Variants in TNFRSF13B observed in about 807,000 individuals in gnomAD.
TNFRSF13B encodes TNF receptor superfamily member 13B.
Under a neutral mutation model 24.0 loss-of-function variants are expected in TNFRSF13B, and 34 were observed. The ratio of observed to expected loss-of-function variants is 1.41; its 90% CI spans 1.08 to 1.88. The LOEUF (loss-of-function observed/expected upper bound fraction) is 1.88, where lower values mean the gene tolerates loss of function less well. Among genes scored for constraint, TNFRSF13B ranks in the 40% most tolerant of loss-of-function variants. TNFRSF13B has a pLI of 0.00. For missense variants in TNFRSF13B, 415 were observed against 380.8 expected, an observed-to-expected ratio of 1.09 and a Z score of -0.75; for synonymous variants, 173 against 150.3, an observed-to-expected ratio of 1.15 and a Z score of -1.10.
intron 1 of TNFRSF13B, among the ~76,000 whole-genome samples, chr17:16,958,812 T>C (rs2087642446): frequency 6.6e-6 from 1 of 151,968 alleles, no homozygotes; most frequent in East Asian, 1.9e-4. Flanking sequence ...CCAAAATATA[T>C]GAAACAAAAA....
chr17:16,944,173 G>A (rs962314155), intron 3 of TNFRSF13B, among the ~76,000 whole-genome samples: 16 of 152,102 alleles, frequency 1.1e-4, no homozygotes, highest in Admixed American at 3.3e-4. Flanking sequence ...CTGGGAGCCC[G>A]AGAGGAAGGG....
At chr17:16,942,413 G>A (rs1454410982) in intron 3 of TNFRSF13B, among the ~76,000 whole-genome samples, 1 of 152,156 alleles carries the variant, frequency 6.6e-6, no homozygotes, top group African/African-American at 2.4e-5. Context: ...ACTCTTAGGG[G>A]TCATCAGTGT....
intron 1 of TNFRSF13B, among the ~76,000 whole-genome samples, chr17:16,963,693 G>A (rs2087679211): frequency 1.3e-5 from 2 of 152,160 alleles, no homozygotes; most frequent in Admixed American, 6.5e-5. Context: ...GGCACTACAG[G>A]TGCCCACCAC....
At chr17:16,960,317 C>T (rs1318182761) in intron 1 of TNFRSF13B, among the ~76,000 whole-genome samples, 1 of 152,070 alleles carries the variant, frequency 6.6e-6, no homozygotes, top group Non-Finnish European at 1.5e-5. Flanking sequence ...AAGCTTTGCC[C>T]TAAGATCAGA....
At chr17:16,966,963 C>T (rs1038837426) in intron 1 of TNFRSF13B, among the ~76,000 whole-genome samples, 11 of 150,898 alleles carry the variant, frequency 7.3e-5, no homozygotes, top group African/African-American at 1.7e-4. Flanking sequence ...CTCAGCCTTC[C>T]GAGTAGCTGG....
chr17:16,964,337 CTTTTTTTTTTT>C lies in TNFRSF13B; in HGVS notation c.61+7667_61+7677del, dbSNP rs71355533. Among the ~76,000 whole-genome samples, 10 of 79,788 alleles carry C rather than the reference CTTTTTTTTTTT, an allele frequency of 1.3e-4. 1 individual carries two copies. The highest frequency in any genetic ancestry group is 4.3e-4 in the South Asian group (1 of 2,306). 52.3% of individuals were successfully genotyped at this position (79,788 alleles called of 152,430 possible). On this transcript the variant is annotated intron_variant, in intron 1 of 4. Transcript: ENST00000261652. ...GGTTGAGAGTCCACCATCTCCATGC[CTTTTTTTTTTT>C]TTTTTTTTTTTGAGATGGAGTTTCA...
intron 3 of TNFRSF13B, among the ~76,000 whole-genome samples, chr17:16,942,144 G>A (rs4791698): frequency 0.46 from 69,465 of 151,758 alleles, 16,176 homozygotes; most frequent in East Asian, 0.59. Flanking sequence ...TCACATAATA[G>A]CTCTGTTTTG....
At chr17:16,961,383 C>T (rs1302333159) in intron 1 of TNFRSF13B, among the ~76,000 whole-genome samples, 1 of 152,176 alleles carries the variant, frequency 6.6e-6, no homozygotes, top group Non-Finnish European at 1.5e-5. Flanking sequence ...AAATATGTTA[C>T]AGGTACACAG....
intron 3 of TNFRSF13B, 58 bp downstream of exon 3, chr17:16,948,680 G>GC: frequency 6.2e-7 from 1 of 1,611,454 alleles, no homozygotes; most frequent in South Asian, 1.1e-5. Context: ...CTGGCATCAG[G>GC]CCTCCCACGC....
intron 1 of TNFRSF13B, among the ~76,000 whole-genome samples, chr17:16,953,465 C>T (rs2087603773): frequency 6.6e-6 from 1 of 152,200 alleles, no homozygotes; most frequent in South Asian, 2.1e-4. Context: ...CATTTCCTCA[C>T]CCCTGAAGCC....
intron 1 of TNFRSF13B, 140 bp downstream of exon 1, chr17:16,971,875 T>C: frequency 3.6e-6 from 3 of 828,260 alleles, no homozygotes; most frequent in Non-Finnish European, 6.1e-6. Context: ...GTGCAGGAGC[T>C]TGGGGAGGCT....
chr17:16,941,540 C>G (rs556313694), intron 3 of TNFRSF13B: 2 of 987,630 alleles, frequency 2.0e-6, no homozygotes, highest in East Asian at 1.1e-4. Context: ...AGTCCCACTT[C>G]GTGCCGGGCA....
chr17:16,940,645 C>A, intron 3 of TNFRSF13B, 134 bp from the exon 4 acceptor site: 1 of 1,511,832 alleles, frequency 6.6e-7, no homozygotes, highest in Non-Finnish European at 8.8e-7. Flanking sequence ...CCTTTTCTGA[C>A]CCTGAGGCTG....
intron 1 of TNFRSF13B, among the ~76,000 whole-genome samples, chr17:16,954,182 G>GC (rs1230861844): frequency 6.6e-6 from 1 of 152,178 alleles, no homozygotes; most frequent in Admixed American, 6.5e-5. Context: ...ATTTCTTGAG[G>GC]CCAGGAGTTC....
Position 16,952,535 on chromosome 17 carries a change from T to G in TNFRSF13B, c.110A>C (p.Glu37Ala). 1 of 1,614,174 alleles carries G rather than the reference T, an allele frequency of 6.2e-7. No homozygotes were observed. Among genetic ancestry groups the G allele is most frequent in the Non-Finnish European group, 8.5e-7 (1 of 1,180,006 alleles). Reference protein sequence around the residue: ...TGVAMRSCPEEQYWDPLLGTC... With the variant: ...TGVAMRSCPEAQYWDPLLGTC... ...ACCCAGCAGAGGATCCCAGTACTGCTCTTCGGGGCAGGATCTCATAGCCAC... is the reference window on the plus strand; with the variant it reads ...ACCCAGCAGAGGATCCCAGTACTGCGCTTCGGGGCAGGATCTCATAGCCAC... Residue 37 changes from glutamate to alanine, a missense_variant, in exon 2 of 5, where the codon GAG (glutamate) becomes GCG (alanine). Transcript: ENST00000261652.
At chr17:16,957,966 T>C (rs1309100326) in intron 1 of TNFRSF13B, among the ~76,000 whole-genome samples, 2 of 152,166 alleles carry the variant, frequency 1.3e-5, no homozygotes, top group Admixed American at 1.3e-4. Flanking sequence ...CCAGAATTAT[T>C]TTACATTTTG....
intron 1 of TNFRSF13B, among the ~76,000 whole-genome samples, chr17:16,959,109 A>T (rs1173977988): frequency 6.6e-6 from 1 of 152,100 alleles, no homozygotes; most frequent in African/African-American, 2.4e-5. Flanking sequence ...TTTTAAAATT[A>T]AAATTATTCA....
rs371989142 is a variant in TNFRSF13B at position 16,940,357 on chromosome 17, C to A, written c.600G>T (p.Arg200Ser). ...GDPCSCQPRS[R>S]PRQSPAKSSQ... Reference sequence around the variant, plus strand: ...AAGACTTGGCCGGACTTTGACGGGGCCTTGAGCGGGGCTGGCAGGAGCAGG... The same window carrying A: ...AAGACTTGGCCGGACTTTGACGGGGACTTGAGCGGGGCTGGCAGGAGCAGG... Residue 200 changes from arginine (R) to serine (S), a missense_variant, in exon 4 of 5, where the codon AGG becomes AGT. Coordinates refer to ENST00000261652, the MANE Select transcript of TNFRSF13B (RefSeq NM_012452.3). 6.2e-7 allele frequency: 1 copy of A among 1,613,800 alleles called. No homozygotes were observed. Among genetic ancestry groups the A allele is most frequent in the South Asian group, 1.1e-5 (1 of 91,058 alleles).
At position 16,940,345 on chromosome 17, in the gene TNFRSF13B, A is replaced by C. The variant is rs2087500053; in HGVS notation, c.612T>G (p.Ser204Arg). ...ACTCACCCTGGGAAGACTTGGCCGG[A>C]CTTTGACGGGGCCTTGAGCGGGGCT... is the stretch of plus-strand genomic sequence containing the variant. ...SCQPRSRPRQ[S>R]PAKSSQDHAM... Residue 204 changes from serine (S) to arginine (R), a missense_variant, in exon 4 of 5, where the codon AGT becomes AGG. Physicochemically the swap from Ser to Arg is moderately radical, Grantham distance 110. Transcript: ENST00000261652. The C allele has an allele frequency of 6.2e-7, 1 of 1,613,502 alleles. No homozygotes were observed. Among genetic ancestry groups the C allele is most frequent in the African/African-American group, 1.3e-5 (1 of 74,896 alleles).
Sources: gnomAD v4.1 joint callset for allele counts (sites outside exome capture counted in the v4.1 genomes callset) on GRCh38, gnomAD v4.1.1 for gene constraint, MANE v1.5 for transcripts, NCBI Gene and HGNC (gene_info 2026-07-23, HGNC 2026-07-21) for gene names.